The following SBF2 variants were observed in gnomAD, a reference collection of about 807,000 sequenced individuals.
The protein encoded by SBF2 is SET binding factor 2.
Under a neutral mutation model 225.2 loss-of-function variants are expected in SBF2, and 112 were observed. That is an observed-to-expected ratio of 0.50 (90% CI 0.43 to 0.58). The LOEUF (loss-of-function observed/expected upper bound fraction) is 0.58. Among genes scored for constraint, SBF2 ranks in the 20% least tolerant of loss-of-function variants. The probability of loss-of-function intolerance (pLI) is 0.00; values close to 1 mark genes in which losing one functional copy is unlikely to be tolerated. For missense variants in SBF2, 1,996 were observed against 2,206.2 expected (o/e 0.90, Z 1.91); for synonymous variants, 763 against 773.3 (o/e 0.99, Z 0.22).
chr11:9,913,047 G>A (rs927016003), intron 16 of SBF2, among the ~76,000 whole-genome samples: 1 of 152,174 alleles, frequency 6.6e-6, no homozygotes, highest in Non-Finnish European at 1.5e-5. Flanking sequence ...ATTTTGGGAG[G>A]CTGACAGGGG....
intron 2 of SBF2, among the ~76,000 whole-genome samples, chr11:10,118,940 A>C (rs573254852): frequency 6.6e-6 from 1 of 152,004 alleles, no homozygotes; most frequent in East Asian, 1.9e-4. Context: ...AAACAAACAA[A>C]AAAAAAACAC....
chr11:9,873,205 CAAAAAA>C (rs56013344), intron 17 of SBF2, among the ~76,000 whole-genome samples: 2 of 60,650 alleles, frequency 3.3e-5, no homozygotes, highest in South Asian at 1.7e-3. Context: ...GACTCTGTCT[CAAAAAA>C]AAAAAAAAAA....
At chr11:10,105,166 A>G (rs910548005) in intron 2 of SBF2, among the ~76,000 whole-genome samples, 5 of 148,212 alleles carry the variant, frequency 3.4e-5, no homozygotes, top group African/African-American at 1.2e-4. Flanking sequence ...GGCTACAGAT[A>G]GATTAGCGCT....
chr11:10,034,730 T>C (rs758876599), intron 3 of SBF2, among the ~76,000 whole-genome samples: 1 of 152,224 alleles, frequency 6.6e-6, no homozygotes, highest in East Asian at 1.9e-4. Context: ...CTTTCTGAAA[T>C]GTAATATATA....
Position 9,943,103 on chromosome 11 carries a change from A to T in SBF2, c.1860+18854T>A, listed in dbSNP as rs367952360. ...TCACATATTTATAGAAATCTGATAT[A>T]TAAAAAAGGGGTTATTGCAAATCAG... On this transcript the variant is annotated intron_variant, in intron 16 of 39. Transcript: ENST00000256190. Among the ~76,000 whole-genome samples the T allele has an allele frequency of 6.9e-4, 105 of 152,316 alleles. 2 individuals are homozygous for T. Among genetic ancestry groups the T allele is most frequent in the African/African-American group, 2.5e-3 (102 of 41,578 alleles).
intron 1 of SBF2, chr11:10,302,833 C>G (rs1964610464): frequency 6.5e-6 from 1 of 152,964 alleles, no homozygotes; most frequent in Non-Finnish European, 1.5e-5. Flanking sequence ...GCCCCACCCC[C>G]CAGGACTGGT....
chr11:10,183,747 C>G (rs919041267), intron 2 of SBF2, among the ~76,000 whole-genome samples: 1 of 152,098 alleles, frequency 6.6e-6, no homozygotes, highest in Non-Finnish European at 1.5e-5. Flanking sequence ...ACTGTGTGTT[C>G]TCATCCATAT....
chr11:9,861,905 G>A (rs1857781973), intron 17 of SBF2, among the ~76,000 whole-genome samples: 1 of 152,164 alleles, frequency 6.6e-6, no homozygotes, highest in South Asian at 2.1e-4. Flanking sequence ...GAGCAAAAGT[G>A]GGACTATATA....
At chr11:9,907,500 T>C (rs770285261) in intron 16 of SBF2, among the ~76,000 whole-genome samples, 39 of 152,264 alleles carry the variant, frequency 2.6e-4, no homozygotes, top group Non-Finnish European at 4.0e-4. Context: ...AAGCAAAAAA[T>C]AGGCAAAAGG....
chr11:9,800,357 T>G (rs1416182717), intron 32 of SBF2, among the ~76,000 whole-genome samples: 1 of 152,200 alleles, frequency 6.6e-6, no homozygotes, highest in Non-Finnish European at 1.5e-5. Context: ...GTGATTGGTC[T>G]TTTCATTTGC....
chr11:10,032,749 GTTT>G (rs1323466705), intron 3 of SBF2, among the ~76,000 whole-genome samples: 1 of 152,148 alleles, frequency 6.6e-6, no homozygotes, highest in East Asian at 1.9e-4. Context: ...CAGGATTTCT[GTTT>G]TGTTCAACGG....
chr11:10,064,848 CCT>C (rs1950575588), intron 2 of SBF2, among the ~76,000 whole-genome samples: 2 of 152,104 alleles, frequency 1.3e-5, no homozygotes, highest in Non-Finnish European at 2.9e-5. Flanking sequence ...TTCAAAACCC[CCT>C]CTCAATAACA....
At chr11:9,982,871 G>C (rs1348852811) in intron 13 of SBF2, among the ~76,000 whole-genome samples, 1 of 152,200 alleles carries the variant, frequency 6.6e-6, no homozygotes, top group African/African-American at 2.4e-5. Context: ...GCTGAGTCAA[G>C]TTAGAGAGCC....
At chr11:10,168,109 C>A (rs1180604313) in intron 2 of SBF2, among the ~76,000 whole-genome samples, 1 of 152,188 alleles carries the variant, frequency 6.6e-6, no homozygotes, top group Non-Finnish European at 1.5e-5. Flanking sequence ...TCACATACTA[C>A]ATAATTTACT....
At chr11:9,851,723 C>T (rs140566987) in intron 21 of SBF2, among the ~76,000 whole-genome samples, 231 of 152,256 alleles carry the variant, frequency 1.5e-3, no homozygotes, top group African/African-American at 5.3e-3. Context: ...TATATTCCTA[C>T]CTACCTGCCT....
At chr11:9,932,956 G>GAAAAAAAAAA (rs1590510467) in intron 16 of SBF2, among the ~76,000 whole-genome samples, 1 of 5,376 alleles carries the variant, frequency 1.9e-4, no homozygotes, top group Non-Finnish European at 2.8e-4. Context: ...CAAACGAAAA[G>GAAAAAAAAAA]CAAAAAAAAA....
At chr11:9,843,182 A>T (rs1433379271) in intron 24 of SBF2, among the ~76,000 whole-genome samples, 1 of 152,110 alleles carries the variant, frequency 6.6e-6, no homozygotes, top group African/African-American at 2.4e-5. Flanking sequence ...TTCTCTACTT[A>T]CTCAAACTCT....
At chr11:10,275,369 A>C (rs1962874041) in intron 1 of SBF2, among the ~76,000 whole-genome samples, 1 of 152,174 alleles carries the variant, frequency 6.6e-6, no homozygotes. Flanking sequence ...AAATTCTAAG[A>C]CCAAAGTATA....
chr11:9,824,768 T>A (rs974274941), intron 28 of SBF2, among the ~76,000 whole-genome samples: 8 of 152,098 alleles, frequency 5.3e-5, no homozygotes, highest in African/African-American at 1.4e-4. Context: ...TAACTAGACA[T>A]CTGCTGAAAG....
Sources: gnomAD v4.1 joint callset for allele counts (sites outside exome capture counted in the v4.1 genomes callset) on GRCh38, gnomAD v4.1.1 for gene constraint, MANE v1.5 for transcripts, NCBI Gene and HGNC (gene_info 2026-07-23, HGNC 2026-07-21) for gene names.